Variants in PCDH15 observed in about 807,000 individuals in gnomAD.
PCDH15 encodes the protein protocadherin-15.
Under a neutral mutation model 178.5 loss-of-function variants are expected in PCDH15, and 129 were observed. That is an observed-to-expected ratio of 0.72 (90% CI 0.63 to 0.84). The LOEUF (loss-of-function observed/expected upper bound fraction) is 0.84, where lower values mean the gene tolerates loss of function less well. PCDH15 is among the 40% of genes least tolerant of loss of function. The pLI, the probability that PCDH15 is intolerant of heterozygous loss-of-function variation, is 0.00. For synonymous variants in PCDH15, 800 were observed against 732.0 expected, an observed-to-expected ratio of 1.09 and a Z score of -1.50; for missense variants, 2,230 against 2,099.9, an observed-to-expected ratio of 1.06 and a Z score of -1.21.
At chr10:54,889,348 C>T (rs575940461) in intron 3 of PCDH15, among the ~76,000 whole-genome samples, 2 of 151,732 alleles carry the variant, frequency 1.3e-5, no homozygotes, top group East Asian at 3.9e-4. Flanking sequence ...TTAGCACATT[C>T]TAGGTGCTTC....
At chr10:53,814,653 A>G (rs1347616453) in intron 35 of PCDH15, among the ~76,000 whole-genome samples, 2 of 151,996 alleles carry the variant, frequency 1.3e-5, no homozygotes, top group Non-Finnish European at 2.9e-5. Context: ...GAGCAGAGCC[A>G]TCAGTCGTTA....
rs1841078091 is a variant in PCDH15, at chr10:53,805,259, A to G, written c.*1320T>C. On this transcript the variant is annotated 3_prime_UTR_variant, in exon 38 of 38. Transcript: ENST00000644397. ...ACCTGAACTTGGTCAATACTGTGCAAAATTTGAAGTGAGCTACATCTATAT... is the reference window on the plus strand; with the variant it reads ...ACCTGAACTTGGTCAATACTGTGCAGAATTTGAAGTGAGCTACATCTATAT... 6.6e-6 allele frequency: 1 copy of G among 152,114 alleles called. No homozygotes were observed. The allele number at this position is 152,114 out of a possible 1,614,324, so 9.4% of individuals were successfully genotyped here.
rs77650240 is a variant in PCDH15 at position 54,827,204 on chromosome 10, T to C, written c.-29+70246A>G. ...GTCAACACTAGCAATGACATTGATA[T>C]GTCTCAAGTGCTCTCTCAAAGAAAT... On this transcript the variant is annotated intron_variant, in intron 3 of 5. Coordinates refer to the PCDH15 transcript ENST00000458638. Among the ~76,000 whole-genome samples the C allele has an allele frequency of 3.7e-3, 563 of 152,262 alleles. 1 individual carries two copies. Among genetic ancestry groups the C allele is most frequent in the African/African-American group, 0.013 (540 of 41,562 alleles).
At chr10:53,900,026 A>G (rs2082220575) in intron 26 of PCDH15, among the ~76,000 whole-genome samples, 1 of 152,128 alleles carries the variant, frequency 6.6e-6, no homozygotes. Context: ...TTTGGAAAAA[A>G]AAATCTAACC....
In PCDH15 at chr10:55,276,365, A is replaced by G. The variant is rs1466331395; in HGVS notation, c.-156+43234T>C. On this transcript the variant is annotated intron_variant, in intron 1 of 5. Transcript: ENST00000458638. ...ATAGGATCATTGTGTACAGGAATACATGGACTTTATGAATTTATGGAATTT... is the reference window on the plus strand; with the variant it reads ...ATAGGATCATTGTGTACAGGAATACGTGGACTTTATGAATTTATGGAATTT... Among the ~76,000 whole-genome samples, 9 of 151,214 alleles carry G rather than the reference A, an allele frequency of 6.0e-5. No individual in the cohort carries two copies. The South Asian group carries it at 1.5e-3, about 25-fold the overall frequency.
chr10:55,485,130 T>C (rs1589071610), intron 2 of PCDH15, among the ~76,000 whole-genome samples: 2 of 151,848 alleles, frequency 1.3e-5, no homozygotes, highest in Admixed American at 1.3e-4. Context: ...GTTTGCAAAC[T>C]ATGTATCTGA....
intron 2 of PCDH15, among the ~76,000 whole-genome samples, chr10:54,941,259 A>T (rs1439337192): frequency 6.6e-6 from 1 of 152,042 alleles, no homozygotes; most frequent in African/African-American, 2.4e-5. Context: ...CTCCAGTGAG[A>T]TACAGAAACA....
intron 2 of PCDH15, among the ~76,000 whole-genome samples, chr10:54,989,213 C>G (rs779020492): frequency 6.6e-6 from 1 of 152,168 alleles, no homozygotes; most frequent in Non-Finnish European, 1.5e-5. Flanking sequence ...AAGTTTGCTG[C>G]AGGGGTGGGG....
At chr10:54,052,938 T>C (rs1473442616) in intron 18 of PCDH15, among the ~76,000 whole-genome samples, 1 of 152,210 alleles carries the variant, frequency 6.6e-6, no homozygotes, top group Non-Finnish European at 1.5e-5. Context: ...CGCTTCGCTC[T>C]GAACCTCTCC....
At chr10:53,957,547 G>C (rs1354760979) in intron 23 of PCDH15, among the ~76,000 whole-genome samples, 1 of 146,870 alleles carries the variant, frequency 6.8e-6, no homozygotes, top group Non-Finnish European at 1.5e-5. Context: ...CTAAGTGACT[G>C]ATGGGCAGCC....
chr10:54,140,440 T>C (rs2043289627), intron 14 of PCDH15, among the ~76,000 whole-genome samples: 1 of 151,642 alleles, frequency 6.6e-6, no homozygotes. Context: ...GAGTAGAAGA[T>C]AAATTGAGGG....
Position 54,134,804 on chromosome 10 carries a change from G to A in PCDH15, c.1785-1797C>T, listed in dbSNP as rs114424375. On this transcript the variant is annotated intron_variant, in intron 14 of 37. Coordinates refer to ENST00000644397, the MANE Select transcript of PCDH15 (RefSeq NM_001384140.1). ...TTCAGATCATAGGCACTAAAATTTC[G>A]TTTTATAGCTTGTCACTTTATAATA... Among the ~76,000 whole-genome samples the A allele has an allele frequency of 6.3e-3, 951 of 150,962 alleles. 13 individuals carry two copies. Among genetic ancestry groups the A allele is most frequent in the African/African-American group, 0.022 (903 of 41,172 alleles).
At position 54,900,289 on chromosome 10, in the gene PCDH15, C is replaced by T. The variant is rs978381899; in HGVS notation, c.-79-2789G>A. 3.3e-5 allele frequency among the ~76,000 whole-genome samples: 5 copies of T among 151,958 alleles called. No individual in the cohort carries two copies. In the South Asian group the frequency reaches 6.2e-4, roughly 19 times the overall value. The stretch of plus-strand genomic sequence containing the variant: ...AAACAAGTAAATTATATATAATATT[C>T]GAACGTGATAATTTTAAGGGGAAAA... On this transcript the variant is annotated intron_variant, in intron 2 of 5. Coordinates refer to the PCDH15 transcript ENST00000458638.
intron 6 of PCDH15, among the ~76,000 whole-genome samples, chr10:54,341,141 G>T (rs1247393381): frequency 6.6e-6 from 1 of 152,068 alleles, no homozygotes; most frequent in African/African-American, 2.4e-5. Flanking sequence ...CATTCCTGGG[G>T]GTGGTCCTCT....
intron 3 of PCDH15, among the ~76,000 whole-genome samples, chr10:54,879,460 T>C (rs1292436341): frequency 1.3e-5 from 2 of 152,024 alleles, no homozygotes; most frequent in Non-Finnish European, 2.9e-5. Context: ...ACTTAGAAAT[T>C]AGAAAGATTT....
chr10:53,969,797 C>G (rs1012684149), intron 21 of PCDH15, among the ~76,000 whole-genome samples: 1 of 152,206 alleles, frequency 6.6e-6, no homozygotes, highest in South Asian at 2.1e-4. Flanking sequence ...CCTTTACAGA[C>G]AAACAAATGC....
chr10:54,430,718 G>A (rs1956865313), intron 3 of PCDH15, among the ~76,000 whole-genome samples: 3 of 151,108 alleles, frequency 2.0e-5, no homozygotes, highest in Admixed American at 2.0e-4. Context: ...AAAAGCAAGA[G>A]CAAACCAAAC....
At chr10:54,272,434 G>A (rs2058106383) in intron 8 of PCDH15, among the ~76,000 whole-genome samples, 1 of 152,030 alleles carries the variant, frequency 6.6e-6, no homozygotes, top group African/African-American at 2.4e-5. Context: ...AATTGATGGT[G>A]AAATTAAAAT....
intron 2 of PCDH15, among the ~76,000 whole-genome samples, chr10:55,479,448 T>C (rs892776969): frequency 1.2e-4 from 18 of 151,514 alleles, no homozygotes; most frequent in Admixed American, 1.1e-3. Context: ...ACATCCCTTA[T>C]GATAACATCT....
Sources: gnomAD v4.1 joint callset for allele counts (sites outside exome capture counted in the v4.1 genomes callset) on GRCh38, gnomAD v4.1.1 for gene constraint, MANE v1.5 for transcripts, NCBI Gene and HGNC (gene_info 2026-07-23, HGNC 2026-07-21) for gene names.